Variants in OR56A3 observed in about 807,000 individuals in gnomAD.
The protein encoded by OR56A3 is olfactory receptor 56A3.
In OR56A3, 23 loss-of-function variants were observed where a neutral mutation model predicts 17.5. The observed-to-expected ratio is 1.32, with a 90% CI of 0.95 to 1.87. The LOEUF (loss-of-function observed/expected upper bound fraction) is 1.87, where lower values mean the gene tolerates loss of function less well. OR56A3 is among the 40% of genes most tolerant of loss of function. OR56A3 has a pLI of 0.00. For synonymous variants in OR56A3, 175 were observed against 150.6 expected (o/e 1.16, Z -1.19); for missense variants, 366 against 380.1 (o/e 0.96, Z 0.31).
chr11:5,976,840 C>T, the OR56A3 span, among the ~76,000 whole-genome samples: 4 of 152,064 alleles, frequency 2.6e-5, no homozygotes, highest in South Asian at 2.1e-4. Context: ...CATAGGACCC[C>T]GTAGATGGTT....
At chr11:5,956,613 A>G in the OR56A3 span, among the ~76,000 whole-genome samples, 6 of 152,356 alleles carry the variant, frequency 3.9e-5, no homozygotes, top group South Asian at 1.2e-3. Flanking sequence ...TGTCTTATTA[A>G]GTTCATTGTT....
chr11:6,012,523 C>A, the OR56A3 span, among the ~76,000 whole-genome samples: 1 of 152,112 alleles, frequency 6.6e-6, no homozygotes. Flanking sequence ...GGCAGGTCAT[C>A]CCATTGTCTG....
chr11:5,969,590 C>T, the OR56A3 span, among the ~76,000 whole-genome samples: 1 of 152,230 alleles, frequency 6.6e-6, no homozygotes, highest in East Asian at 1.9e-4. Context: ...TTATCCAGCC[C>T]ATTGCCTATG....
At chr11:5,983,155 C>T in the OR56A3 span, among the ~76,000 whole-genome samples, 1 of 152,042 alleles carries the variant, frequency 6.6e-6, no homozygotes, top group Non-Finnish European at 1.5e-5. Context: ...TTTATTGTTC[C>T]TTTTCTAAAT....
At chr11:6,012,393 C>T in the OR56A3 span, among the ~76,000 whole-genome samples, 1 of 152,182 alleles carries the variant, frequency 6.6e-6, no homozygotes, top group Non-Finnish European at 1.5e-5. Flanking sequence ...TTCCTCTCTG[C>T]ACCTGGTCAT....
chr11:6,008,625 A>C, the OR56A3 span, among the ~76,000 whole-genome samples: 1 of 151,922 alleles, frequency 6.6e-6, no homozygotes, highest in African/African-American at 2.4e-5. Context: ...CAATTTCCTC[A>C]TCTGAAATAT....
At chr11:6,011,207 T>TACATATAC in the OR56A3 span, among the ~76,000 whole-genome samples, 1 of 147,646 alleles carries the variant, frequency 6.8e-6, no homozygotes, top group Non-Finnish European at 1.5e-5. Flanking sequence ...ATTTATTTTA[T>TACATATAC]ATATATATAT....
chr11:5,972,775 C>A, the OR56A3 span, among the ~76,000 whole-genome samples: 126 of 152,242 alleles, frequency 8.3e-4, no homozygotes, highest in African/African-American at 2.8e-3. Context: ...ATTACAGGCG[C>A]CTGCCACCAC....
the OR56A3 span, among the ~76,000 whole-genome samples, chr11:6,005,509 G>A: frequency 5.9e-5 from 9 of 152,198 alleles, no homozygotes; most frequent in Non-Finnish European, 1.2e-4. Flanking sequence ...GCATTGTCAC[G>A]TACATTGTAG....
the OR56A3 span, among the ~76,000 whole-genome samples, chr11:6,011,954 G>A: frequency 6.6e-6 from 1 of 152,206 alleles, no homozygotes; most frequent in South Asian, 2.1e-4. Context: ...GGAATGTGGT[G>A]GTGCCCAGAA....
the OR56A3 span, among the ~76,000 whole-genome samples, chr11:5,965,874 G>A: frequency 2.0e-5 from 3 of 152,094 alleles, no homozygotes; most frequent in African/African-American, 7.2e-5. Flanking sequence ...TTTTTATGTG[G>A]AAGAGGATAC....
chr11:5,947,609 T>C lies in OR56A3; in HGVS notation c.263T>C (p.Ile88Thr). Residue 88 changes from isoleucine to threonine, a missense_variant, in exon 3 of 3, where the codon ATC (isoleucine) becomes ACC (threonine). Ile to Thr is a moderately conservative substitution (Grantham distance 89). Coordinates refer to ENST00000641160, the MANE Select transcript of OR56A3 (RefSeq NM_001003443.3). Reference sequence around the variant, plus strand: ...ACTGTCATCCCCAAGGTCCTGACCATCTTCTGGTTTGACCTCAGGCCCATC... The same window carrying C: ...ACTGTCATCCCCAAGGTCCTGACCACCTTCTGGTTTGACCTCAGGCCCATC... ...CLTVIPKVLT[I>T]FWFDLRPISF... 1 of 1,614,222 alleles carries C rather than the reference T, an allele frequency of 6.2e-7. No homozygotes were observed. The highest frequency in any genetic ancestry group is 1.1e-5 in the South Asian group (1 of 91,080).
At chr11:5,990,560 C>T in the OR56A3 span, among the ~76,000 whole-genome samples, 101 of 152,288 alleles carry the variant, frequency 6.6e-4, no homozygotes, top group African/African-American at 2.3e-3. Context: ...GGGATATAAT[C>T]TATCCCTCTC....
chr11:5,985,818 G>T, the OR56A3 span: 2 of 867,558 alleles, frequency 2.3e-6, no homozygotes, highest in Admixed American at 2.9e-5. Context: ...CATGGCACTA[G>T]TAAGACTAGA....
chr11:5,956,607 T>C, the OR56A3 span, among the ~76,000 whole-genome samples: 1 of 152,210 alleles, frequency 6.6e-6, no homozygotes, highest in Non-Finnish European at 1.5e-5. Context: ...AGCTAATGTC[T>C]TATTAAGTTC....
At chr11:5,983,173 T>C in the OR56A3 span, among the ~76,000 whole-genome samples, 3 of 152,302 alleles carry the variant, frequency 2.0e-5, no homozygotes, top group South Asian at 6.2e-4. Context: ...AATTCTTAAG[T>C]TGTTAACTTA....
At chr11:5,953,495 TC>T (rs1360975782), downstream of OR56A3, among the ~76,000 whole-genome samples, 1 of 152,146 alleles carries the variant, frequency 6.6e-6, no homozygotes, top group Non-Finnish European at 1.5e-5. Context: ...TTAATAGAGT[TC>T]CAAGTAATTA....
the OR56A3 span, among the ~76,000 whole-genome samples, chr11:5,969,520 C>T: frequency 3.3e-5 from 5 of 152,180 alleles, no homozygotes; most frequent in African/African-American, 1.2e-4. Context: ...GAATGGCAAT[C>T]CTTGACCTCA....
the OR56A3 span, chr11:5,986,193 T>A: frequency 2.5e-6 from 4 of 1,613,802 alleles, no homozygotes; most frequent in South Asian, 4.4e-5. Flanking sequence ...CACTCCCTGG[T>A]ACCTTCAGCA....
Sources: allele counts gnomAD v4.1 joint callset (sites outside exome capture counted in the v4.1 genomes callset), GRCh38; gene constraint gnomAD v4.1.1; transcripts MANE v1.5; gene names NCBI Gene and HGNC (gene_info 2026-07-23, HGNC 2026-07-21).